PDHX: variants seen among roughly 807,000 people sequenced by gnomAD.
The protein encoded by PDHX is pyruvate dehydrogenase protein X component, mitochondrial.
Under a neutral mutation model 55.3 loss-of-function variants are expected in PDHX, and 33 were observed. The ratio of observed to expected loss-of-function variants is 0.60; its 90% CI spans 0.45 to 0.80. The LOEUF (loss-of-function observed/expected upper bound fraction) is 0.80. Ranked by LOEUF, PDHX falls within the 30% of genes least tolerant of loss-of-function variation. The probability of loss-of-function intolerance (pLI) is 0.00; values close to 1 mark genes in which losing one functional copy is unlikely to be tolerated. For synonymous variants in PDHX, 226 were observed against 219.4 expected, an observed-to-expected ratio of 1.03 and a Z score of -0.27; for missense variants, 622 against 619.9, an observed-to-expected ratio of 1.00 and a Z score of -0.04.
chr11:34,956,023 A>G (rs565629228), intron 3 of PDHX, among the ~76,000 whole-genome samples: 18 of 152,222 alleles, frequency 1.2e-4, no homozygotes, highest in African/African-American at 3.9e-4. Context: ...GAAGAAAAAT[A>G]TTGGTCTAAT....
At chr11:34,966,878 G>A (rs1855147553) in intron 6 of PDHX, 64 bp downstream of exon 6, 1 of 1,400,110 alleles carries the variant, frequency 7.1e-7, no homozygotes, top group South Asian at 1.2e-5. Context: ...TTGAGACAGA[G>A]TCTTGCACTG....
chr11:34,916,520 T>TG (rs1313440874), upstream of PDHX: 3 of 1,401,702 alleles, frequency 2.1e-6, no homozygotes, highest in Non-Finnish European at 2.8e-6. Flanking sequence ...GGGGCTGGGT[T>TG]GGGGGGCGGG....
chr11:34,960,371 C>G, intron 4 of PDHX, 49 bp from the exon 5 acceptor site: 1 of 1,182,196 alleles, frequency 8.5e-7, no homozygotes. Context: ...CTATTTGAAT[C>G]AAATGTAAGT....
chr11:34,938,826 A>C (rs1271606414), intron 2 of PDHX, among the ~76,000 whole-genome samples: 1 of 152,178 alleles, frequency 6.6e-6, no homozygotes, highest in Non-Finnish European at 1.5e-5. Context: ...ACAATATGCT[A>C]TTTTCATGTA....
chr11:34,943,196 G>A (rs988878386), intron 2 of PDHX, among the ~76,000 whole-genome samples: 2 of 152,018 alleles, frequency 1.3e-5, no homozygotes, highest in Non-Finnish European at 2.9e-5. Context: ...GTAAATAGAG[G>A]AAATCACAAT....
intron 9 of PDHX, among the ~76,000 whole-genome samples, chr11:34,987,428 T>A (rs574346793): frequency 6.6e-6 from 1 of 152,240 alleles, no homozygotes; most frequent in African/African-American, 2.4e-5. Flanking sequence ...ACAGGCACCT[T>A]GCATGGCCTA....
At chr11:34,946,634 G>T (rs763412143) in intron 2 of PDHX, among the ~76,000 whole-genome samples, 1 of 152,156 alleles carries the variant, frequency 6.6e-6, no homozygotes, top group East Asian at 1.9e-4. Flanking sequence ...GCTTGACTTT[G>T]TTCCTGGTAC....
At chr11:34,955,830 T>C (rs61882163) in intron 3 of PDHX, among the ~76,000 whole-genome samples, 4,833 of 152,192 alleles carry the variant, frequency 0.032, 99 homozygotes, top group Non-Finnish European at 0.048. Flanking sequence ...TGCTTTACAT[T>C]TGAATGATGT....
chr11:34,978,644 G>C (rs931635012), intron 8 of PDHX, among the ~76,000 whole-genome samples: 3 of 152,098 alleles, frequency 2.0e-5, no homozygotes, highest in Non-Finnish European at 4.4e-5. Context: ...GAGCCACATA[G>C]GTATGTGGTA....
At chr11:34,937,475 G>A (rs916000906) in intron 2 of PDHX, among the ~76,000 whole-genome samples, 5 of 150,190 alleles carry the variant, frequency 3.3e-5, no homozygotes, top group African/African-American at 1.2e-4. Flanking sequence ...GGGGTGGGTG[G>A]AAGGAGCAAG....
chr11:34,944,474 A>G (rs887366764), intron 2 of PDHX, among the ~76,000 whole-genome samples: 1 of 152,212 alleles, frequency 6.6e-6, no homozygotes. Context: ...CTTTGGAGTT[A>G]GACAAAGGAC....
rs1400463904 is a variant in PDHX at position 34,984,592 on chromosome 11, G to A, written c.1046G>A (p.Ser349Asn). 1 of 1,614,008 alleles carries A rather than the reference G, an allele frequency of 6.2e-7. No individual in the cohort carries two copies. The highest frequency in any genetic ancestry group is 1.7e-5 in the Admixed American group (1 of 60,008). ...TAGCAAATGCCAGATGTTAATGTAA[G>A]CTGGGATGGAGAGGGCCCAAAGCAA... ...TLKQMPDVNV[S>N]WDGEGPKQLP... The change falls in exon 9 of 11, where the codon AGC (serine) becomes AAC (asparagine). Residue 349 changes from serine to asparagine, a missense_variant. By Grantham distance (46) the Ser-to-Asn change is conservative. Transcript: ENST00000227868.
chr11:34,940,747 G>T (rs777205251), intron 2 of PDHX, among the ~76,000 whole-genome samples: 7 of 152,064 alleles, frequency 4.6e-5, no homozygotes, highest in Non-Finnish European at 7.4e-5. Context: ...AGACAATCCG[G>T]ATCTGTTTTT....
intron 8 of PDHX, among the ~76,000 whole-genome samples, chr11:34,980,544 G>A (rs1343311109): frequency 2.0e-5 from 3 of 151,450 alleles, no homozygotes; most frequent in Non-Finnish European, 4.4e-5. Flanking sequence ...ATTCATGAGG[G>A]TTTTGTTTAG....
intron 7 of PDHX, among the ~76,000 whole-genome samples, chr11:34,976,695 A>G (rs933983134): frequency 6.6e-6 from 1 of 152,196 alleles, no homozygotes; most frequent in African/African-American, 2.4e-5. Context: ...ATAGTGACAT[A>G]GGAGCCAGTA....
intron 3 of PDHX, among the ~76,000 whole-genome samples, chr11:34,953,654 G>T (rs1240366501): frequency 6.6e-6 from 1 of 152,044 alleles, no homozygotes; most frequent in East Asian, 1.9e-4. Flanking sequence ...TTGATCAGTT[G>T]GATATAATTT....
upstream of PDHX, chr11:34,916,149 CTG>C: frequency 1.9e-6 from 3 of 1,543,020 alleles, no homozygotes; most frequent in African/African-American, 1.4e-5. Context: ...GCCCGCTACC[CTG>C]CGCCCAGCTC....
intron 6 of PDHX, 27 bp from the exon 7 acceptor site, chr11:34,970,112 A>G (rs375347031): frequency 2.2e-5 from 35 of 1,609,060 alleles, no homozygotes; most frequent in Middle Eastern, 3.3e-4. Context: ...CTTGTGGTTT[A>G]ACGGACAGGT....
chr11:34,925,421 G>T (rs144655832), intron 1 of PDHX, among the ~76,000 whole-genome samples: 8 of 152,032 alleles, frequency 5.3e-5, no homozygotes, highest in Non-Finnish European at 1.2e-4. Context: ...TGATTATTAC[G>T]TATCTATTTA....
Sources: allele counts gnomAD v4.1 joint callset (sites outside exome capture counted in the v4.1 genomes callset), GRCh38; gene constraint gnomAD v4.1.1; transcripts MANE v1.5; gene names NCBI Gene and HGNC (gene_info 2026-07-23, HGNC 2026-07-21).